MRC1: variants seen among roughly 807,000 people sequenced by gnomAD.
MRC1 encodes mannose receptor C-type 1.
In MRC1, 62 loss-of-function variants were observed where a neutral mutation model predicts 102.9. That is an observed-to-expected ratio of 0.60 (90% CI 0.49 to 0.74). The LOEUF is 0.74. MRC1 is among the 30% of genes least tolerant of loss of function. The probability of loss-of-function intolerance (pLI) is 0.00; values close to 1 mark genes in which losing one functional copy is unlikely to be tolerated. For missense variants in MRC1, 1,237 were observed against 862.8 expected (o/e 1.43, Z -5.43); for synonymous variants, 457 against 298.4 (o/e 1.53, Z -5.48).
At chr10:17,863,485 G>A (rs1219902718) in intron 10 of MRC1, 49 bp from the exon 11 acceptor site, 12 of 779,782 alleles carry the variant, frequency 1.5e-5, no homozygotes, top group Admixed American at 1.5e-4. Context: ...TTGAAAATTG[G>A]CATAAATGTT....
chr10:17,879,747 A>G lies in MRC1; in HGVS notation c.2645A>G (p.Tyr882Cys). ...TGGATGGATGGAAGCAAAGTGGATT[A>G]CGTGTCTTGGGCCACAGGTGAACCC... ...FAWMDGSKVD[Y>C]VSWATGEPNF... Residue 882 changes from tyrosine to cysteine, a missense_variant, in exon 19 of 30, where the codon TAC becomes TGC. Tyr to Cys is a radical substitution (Grantham distance 194, BLOSUM62 -2). Transcript: ENST00000569591. The G allele has an allele frequency of 1.3e-6, 1 of 780,898 alleles. No individual in the cohort carries two copies. Among genetic ancestry groups the G allele is most frequent in the African/African-American group, 1.7e-5 (1 of 59,266 alleles). The allele number at this position is 780,898 out of a possible 1,614,324, so 48.4% of individuals were successfully genotyped here. A position where few individuals can be genotyped will look rare whatever the true frequency, so the allele number is the denominator to read the frequency against.
At chr10:17,870,646 G>A (rs1241645970) in intron 13 of MRC1, among the ~76,000 whole-genome samples, 1 of 152,186 alleles carries the variant, frequency 6.6e-6, no homozygotes, top group Admixed American at 6.5e-5. Context: ...CTCTCAGGCA[G>A]TGGTCTGTTT....
chr10:17,823,188 G>A lies in MRC1; in HGVS notation c.176G>A (p.Arg59Gln), dbSNP rs782266740. Residue 59 changes from arginine to glutamine, a missense_variant, in exon 2 of 30, where the codon CGA becomes CAA. By Grantham distance (43) the Arg-to-Gln change is conservative. Coordinates refer to ENST00000569591, the MANE Select transcript of MRC1 (RefSeq NM_002438.4). ...CNQDAESQKFRWVSESQIMSV... is the reference protein window; with the variant it reads ...CNQDAESQKFQWVSESQIMSV... ...CAGGATGCCGAATCACAGAAATTCCGATGGGTGTCCGAATCTCAGATTATG... is the reference window on the plus strand; with the variant it reads ...CAGGATGCCGAATCACAGAAATTCCAATGGGTGTCCGAATCTCAGATTATG... 24 of 780,716 alleles carry A rather than the reference G, an allele frequency of 3.1e-5. No individual in the cohort carries two copies. Among genetic ancestry groups the A allele is most frequent in the Non-Finnish European group, 5.0e-5 (21 of 417,970 alleles). The allele number at this position is 780,716 out of a possible 1,614,324, so 48.4% of individuals were successfully genotyped here.
At chr10:17,904,841 C>T (rs1440584361) in intron 26 of MRC1, among the ~76,000 whole-genome samples, 5 of 152,148 alleles carry the variant, frequency 3.3e-5, no homozygotes, top group African/African-American at 1.2e-4. Context: ...TTCTACATTC[C>T]CCGGAATTTG....
chr10:17,907,621 C>G lies in MRC1; in HGVS notation c.4001C>G (p.Ala1334Gly). Residue 1334 changes from alanine to glycine, a missense_variant, in exon 28 of 30, where the codon GCT becomes GGT. Ala to Gly is a moderately conservative substitution (Grantham distance 60). Transcript: ENST00000569591. ...DPSGERNDCV[A>G]LHASSGFWSN... The stretch of plus-strand genomic sequence containing the variant: ...TCTGGTGAACGGAATGATTGTGTAG[C>G]TTTACATGCGTCTTCTGGGTTTTGG... 1 of 780,884 alleles carries G rather than the reference C, an allele frequency of 1.3e-6. No homozygotes were observed. The highest frequency in any genetic ancestry group is 1.7e-5 in the African/African-American group (1 of 59,260). 48.4% of individuals were successfully genotyped at this position (780,884 alleles called of 1,614,324 possible).
Position 17,830,267 on chromosome 10 carries a change from G to A in MRC1, c.637+2552G>A, listed in dbSNP as rs1838548957. On this transcript the variant is annotated intron_variant, in intron 3 of 29. Coordinates refer to ENST00000569591, the MANE Select transcript of MRC1 (RefSeq NM_002438.4). ...CTGCCTCAGCCTCCTGAGTAGCTGG[G>A]ATTACAGGCACCCACCATCACGCCT... 4.0e-5 allele frequency among the ~76,000 whole-genome samples: 6 copies of A among 151,230 alleles called. No homozygotes were observed. In the South Asian group the frequency reaches 6.2e-4, roughly 16 times the overall value.
At chr10:17,844,703 C>G (rs2130632719) in intron 5 of MRC1, among the ~76,000 whole-genome samples, 1 of 149,894 alleles carries the variant, frequency 6.7e-6, no homozygotes, top group South Asian at 2.1e-4. Flanking sequence ...AACCCAGTAG[C>G]TAGTTTTCCA....
intron 27 of MRC1, 45 bp downstream of exon 27, chr10:17,907,044 G>C: frequency 1.3e-6 from 1 of 776,188 alleles, no homozygotes; most frequent in Non-Finnish European, 2.4e-6. Flanking sequence ...ATTGTAAAAT[G>C]TTGTATGTAA....
intron 5 of MRC1, among the ~76,000 whole-genome samples, chr10:17,841,243 G>C (rs926944756): frequency 6.6e-6 from 1 of 152,292 alleles, no homozygotes; most frequent in East Asian, 1.9e-4. Context: ...TTGACAAGTG[G>C]ATTGAAATTA....
intron 1 of MRC1, among the ~76,000 whole-genome samples, chr10:17,822,072 T>G (rs1261520046): frequency 1.3e-5 from 2 of 152,184 alleles, no homozygotes; most frequent in African/African-American, 4.8e-5. Context: ...TACCAGATCC[T>G]TTTTTCCTCT....
intron 17 of MRC1, among the ~76,000 whole-genome samples, chr10:17,877,083 G>GTA (rs1833447107): frequency 6.7e-6 from 1 of 149,238 alleles, no homozygotes; most frequent in Non-Finnish European, 1.5e-5. Context: ...TATATATTAT[G>GTA]TATATATATG....
intron 5 of MRC1, among the ~76,000 whole-genome samples, chr10:17,843,069 A>G (rs1283754472): frequency 6.6e-6 from 1 of 152,250 alleles, no homozygotes; most frequent in East Asian, 1.9e-4. Context: ...TGTTTTGCAT[A>G]AATGATGTAC....
intron 21 of MRC1, among the ~76,000 whole-genome samples, chr10:17,883,865 C>A (rs973390165): frequency 8.3e-4 from 126 of 152,302 alleles, no homozygotes; most frequent in Non-Finnish European, 1.5e-3. Flanking sequence ...TACAATTCAA[C>A]CTTTTATGTC....
chr10:17,856,958 C>G (rs1191099747), intron 9 of MRC1, among the ~76,000 whole-genome samples: 1 of 152,132 alleles, frequency 6.6e-6, no homozygotes, highest in Non-Finnish European at 1.5e-5. Context: ...TATGAAAACA[C>G]AGGGTTTATG....
intron 12 of MRC1, among the ~76,000 whole-genome samples, chr10:17,868,906 C>G (rs1397834305): frequency 6.6e-6 from 1 of 152,156 alleles, no homozygotes; most frequent in Admixed American, 6.5e-5. Context: ...AGGACTAACA[C>G]AAAGAAAATC....
chr10:17,841,745 T>C (rs1341284969), intron 5 of MRC1, among the ~76,000 whole-genome samples: 1 of 151,500 alleles, frequency 6.6e-6, no homozygotes, highest in Non-Finnish European at 1.5e-5. Flanking sequence ...GTGCCATTTT[T>C]TTTTTTTTTT....
At chr10:17,820,885 C>T (rs868915890) in intron 1 of MRC1, among the ~76,000 whole-genome samples, 4 of 152,132 alleles carry the variant, frequency 2.6e-5, no homozygotes, top group Admixed American at 6.5e-5. Flanking sequence ...TTCCTATTTC[C>T]TGTGTTCCAT....
intron 2 of MRC1, among the ~76,000 whole-genome samples, chr10:17,826,845 G>A (rs1838483221): frequency 6.6e-6 from 1 of 152,200 alleles, no homozygotes. Context: ...TAACAGTTTT[G>A]AGTGGTTTCT....
At chr10:17,908,547 T>A (rs967679947) in intron 28 of MRC1, among the ~76,000 whole-genome samples, 1 of 152,002 alleles carries the variant, frequency 6.6e-6, no homozygotes, top group African/African-American at 2.4e-5. Context: ...TCTGGTACAA[T>A]GTTGGAGTTG....
Sources: allele counts gnomAD v4.1 joint callset (sites outside exome capture counted in the v4.1 genomes callset), GRCh38; gene constraint gnomAD v4.1.1; transcripts MANE v1.5; gene names NCBI Gene and HGNC (gene_info 2026-07-23, HGNC 2026-07-21).